The following PALLD variants were observed in gnomAD, a reference collection of about 807,000 sequenced individuals.
PALLD encodes palladin, cytoskeletal associated protein.
In PALLD, 61 loss-of-function variants were observed where a neutral mutation model predicts 123.5. The ratio of observed to expected loss-of-function variants is 0.49; its 90% CI spans 0.40 to 0.61. The LOEUF is 0.61. Ranked by LOEUF, PALLD falls within the 20% of genes least tolerant of loss-of-function variation. The pLI, the probability that PALLD is intolerant of heterozygous loss-of-function variation, is 0.00. For synonymous variants in PALLD, 465 were observed against 496.4 expected (o/e 0.94, Z 0.84); for missense variants, 1,273 against 1,377.0 (o/e 0.92, Z 1.20).
Position 168,721,901 on chromosome 4 carries a change from G to A in PALLD, c.1964+9978G>A, listed in dbSNP as rs140760647. Among the ~76,000 whole-genome samples the A allele has an allele frequency of 1.8e-3, 267 of 152,214 alleles. 1 individual carries two copies. The highest frequency in any genetic ancestry group is 6.1e-3 in the African/African-American group (252 of 41,534). On this transcript the variant is annotated intron_variant, in intron 10 of 21. Transcript: ENST00000505667. Reference sequence around the variant, plus strand: ...TCCTAGGAATCCTTCCCCAGAAAATGTCCTATATTCCAAAATAACTTTACT... The same window carrying A: ...TCCTAGGAATCCTTCCCCAGAAAATATCCTATATTCCAAAATAACTTTACT...
chr4:168,659,285 C>A (rs1302338733), intron 2 of PALLD, among the ~76,000 whole-genome samples: 2 of 152,194 alleles, frequency 1.3e-5, no homozygotes, highest in African/African-American at 4.8e-5. Flanking sequence ...GAAAATATAA[C>A]CATTGCTGAA....
intron 2 of PALLD, among the ~76,000 whole-genome samples, chr4:168,587,513 C>A (rs778908023): frequency 1.3e-5 from 2 of 152,098 alleles, no homozygotes; most frequent in African/African-American, 4.8e-5. Flanking sequence ...GACTCCAAAG[C>A]GCAGGGAGGC....
chr4:168,665,029 G>C (rs936353879), intron 2 of PALLD, among the ~76,000 whole-genome samples: 9 of 152,160 alleles, frequency 5.9e-5, no homozygotes, highest in African/African-American at 2.2e-4. Flanking sequence ...ATGGAAGAGT[G>C]TATTTTTAAT....
chr4:168,551,191 C>A (rs980221776), intron 2 of PALLD, among the ~76,000 whole-genome samples: 8 of 151,994 alleles, frequency 5.3e-5, no homozygotes, highest in African/African-American at 1.7e-4. Flanking sequence ...AAAAATAAAT[C>A]TATTTTTATG....
chr4:168,689,208 C>T (rs935865859), intron 6 of PALLD, among the ~76,000 whole-genome samples: 2 of 152,134 alleles, frequency 1.3e-5, no homozygotes, highest in African/African-American at 4.8e-5. Flanking sequence ...TTAGAATTCC[C>T]TCAGGGTTTT....
At chr4:168,880,331 G>T (rs753995217) in intron 10 of PALLD, among the ~76,000 whole-genome samples, 4 of 152,156 alleles carry the variant, frequency 2.6e-5, no homozygotes, top group African/African-American at 9.7e-5. Context: ...AAGTCGTGCC[G>T]ATTTTGTGGC....
At chr4:168,573,995 T>C (rs1385930888) in intron 2 of PALLD, among the ~76,000 whole-genome samples, 1 of 152,000 alleles carries the variant, frequency 6.6e-6, no homozygotes, top group Non-Finnish European at 1.5e-5. Flanking sequence ...CATTTTTGGA[T>C]GATCTGTGCC....
intron 2 of PALLD, among the ~76,000 whole-genome samples, chr4:168,523,289 G>A (rs1291972470): frequency 1.3e-5 from 2 of 150,120 alleles, no homozygotes; most frequent in Non-Finnish European, 3.0e-5. Flanking sequence ...GGGGAGGGAG[G>A]AAGGAGGGAG....
In PALLD at chr4:168,927,021, G is replaced by C. The variant is rs1321499980; in HGVS notation, c.*841G>C. 1 of 219,348 alleles carries C rather than the reference G, an allele frequency of 4.6e-6. No homozygotes were observed. The highest frequency in any genetic ancestry group is 2.2e-5 in the African/African-American group (1 of 44,554). 13.6% of individuals were successfully genotyped at this position (219,348 alleles called of 1,614,324 possible). On this transcript the variant is annotated 3_prime_UTR_variant, in exon 22 of 22. Transcript: ENST00000505667. Reference sequence around the variant, plus strand: ...TTAACATTTTTTTTCTTTATGTGTAGTGTTTTCATGCTACCTTGGTAGGAA... The same window carrying C: ...TTAACATTTTTTTTCTTTATGTGTACTGTTTTCATGCTACCTTGGTAGGAA...
chr4:168,824,940 G>C (rs1257779064), intron 10 of PALLD, among the ~76,000 whole-genome samples: 1 of 148,278 alleles, frequency 6.7e-6, no homozygotes, highest in East Asian at 2.0e-4. Context: ...TCCCACCTCA[G>C]CCTCCCAAGT....
At chr4:168,603,724 A>G (rs1772903052) in intron 2 of PALLD, among the ~76,000 whole-genome samples, 1 of 152,216 alleles carries the variant, frequency 6.6e-6, no homozygotes, top group Admixed American at 6.5e-5. Flanking sequence ...GTTGTGCCCA[A>G]TGTTACACAG....
chr4:168,734,863 G>T (rs925381453), intron 10 of PALLD, among the ~76,000 whole-genome samples: 1 of 152,088 alleles, frequency 6.6e-6, no homozygotes, highest in Non-Finnish European at 1.5e-5. Context: ...GTTCAAGGTT[G>T]CAGTGAGCTA....
intron 2 of PALLD, chr4:168,631,693 G>A (rs1775828351): frequency 1.2e-5 from 12 of 985,502 alleles, no homozygotes; most frequent in Non-Finnish European, 1.4e-5. Context: ...CTTCCCGGGA[G>A]CCGGCGGGGC....
chr4:168,542,771 A>AAG (rs1035812796), intron 2 of PALLD, among the ~76,000 whole-genome samples: 1 of 107,646 alleles, frequency 9.3e-6, no homozygotes, highest in Non-Finnish European at 1.9e-5. Context: ...TATGGAGAGA[A>AAG]AGAGAGAGAG....
At chr4:168,585,654 G>A (rs572392423) in intron 2 of PALLD, among the ~76,000 whole-genome samples, 2 of 152,244 alleles carry the variant, frequency 1.3e-5, no homozygotes, top group African/African-American at 2.4e-5. Context: ...TTAATTCTGA[G>A]CGCTCAGGAC....
At position 168,502,329 on chromosome 4, in the gene PALLD, A is replaced by C. The variant is rs193287349; in HGVS notation, c.-83+5135A>C. On this transcript the variant is annotated intron_variant, in intron 1 of 21. Coordinates refer to ENST00000505667, the MANE Select transcript of PALLD (RefSeq NM_001166108.2). ...TAGAATAAATGCTTTTCTAGTTCCA[A>C]ATTTTTTCATGAGAAACTTTCTTTG... Among the ~76,000 whole-genome samples the C allele has an allele frequency of 3.2e-3, 480 of 152,296 alleles. 10 individuals carry two copies. The highest frequency in any genetic ancestry group is 1.0e-3 in the Non-Finnish European group (68 of 68,010).
intron 18 of PALLD, among the ~76,000 whole-genome samples, chr4:168,921,984 C>T (rs1262433681): frequency 6.6e-6 from 1 of 151,864 alleles, no homozygotes. Context: ...GGTCATTCGA[C>T]CTCCTGTGTG....
intron 11 of PALLD, among the ~76,000 whole-genome samples, chr4:168,891,595 G>T (rs2151196498): frequency 6.6e-6 from 1 of 151,736 alleles, no homozygotes; most frequent in Admixed American, 6.6e-5. Context: ...ACCTTTCTAA[G>T]AGTGAAGAGA....
chr4:168,712,726 T>A (rs1290213316), intron 10 of PALLD, among the ~76,000 whole-genome samples: 2 of 152,164 alleles, frequency 1.3e-5, no homozygotes, highest in Non-Finnish European at 2.9e-5. Flanking sequence ...AATGTGTATG[T>A]ATTCTATGAG....
Sources: allele counts gnomAD v4.1 joint callset (sites outside exome capture counted in the v4.1 genomes callset), GRCh38; gene constraint gnomAD v4.1.1; transcripts MANE v1.5; gene names NCBI Gene and HGNC (gene_info 2026-07-23, HGNC 2026-07-21).